PTPRT: variants seen among roughly 807,000 people sequenced by gnomAD.
PTPRT encodes protein tyrosine phosphatase receptor type T.
A neutral mutation model predicts 176.8 loss-of-function variants in PTPRT; 56 were observed. That is an observed-to-expected ratio of 0.32 (90% CI 0.26 to 0.40). The LOEUF (loss-of-function observed/expected upper bound fraction) is 0.40. Ranked by LOEUF, PTPRT falls within the 10% of genes least tolerant of loss-of-function variation. The pLI is 1.00. For synonymous variants in PTPRT, 783 were observed against 739.0 expected, an observed-to-expected ratio of 1.06 and a Z score of -0.96; for missense variants, 1,540 against 1,908.2, an observed-to-expected ratio of 0.81 and a Z score of 3.60.
chr20:42,960,032 A>G (rs575422537), intron 1 of PTPRT, among the ~76,000 whole-genome samples: 14 of 152,024 alleles, frequency 9.2e-5, no homozygotes, highest in Non-Finnish European at 2.1e-4. Flanking sequence ...CCCTCCCATC[A>G]TCTACTCACG....
intron 29 of PTPRT, among the ~76,000 whole-genome samples, chr20:42,083,050 G>T (rs1253978993): frequency 7.7e-6 from 1 of 129,774 alleles, no homozygotes; most frequent in Non-Finnish European, 1.6e-5. Context: ...GAATGCCCCT[G>T]TACCTTCCTT....
intron 15 of PTPRT, among the ~76,000 whole-genome samples, chr20:42,226,044 T>C (rs1327323258): frequency 6.6e-6 from 1 of 152,248 alleles, no homozygotes. Context: ...TTCCTCAAAA[T>C]AGAATCAGTG....
chr20:43,028,178 C>T (rs1055648419), intron 1 of PTPRT, among the ~76,000 whole-genome samples: 6 of 152,134 alleles, frequency 3.9e-5, no homozygotes, highest in Non-Finnish European at 8.8e-5. Flanking sequence ...AGAGGGCATG[C>T]CCTATTGTCT....
chr20:42,801,382 T>C (rs2077529039), intron 2 of PTPRT, among the ~76,000 whole-genome samples: 1 of 152,178 alleles, frequency 6.6e-6, no homozygotes, highest in Non-Finnish European at 1.5e-5. Flanking sequence ...TCTCTGCCAC[T>C]GCATCCCTAA....
At chr20:42,730,038 A>G (rs1403750263) in intron 6 of PTPRT, among the ~76,000 whole-genome samples, 1 of 152,202 alleles carries the variant, frequency 6.6e-6, no homozygotes, top group East Asian at 1.9e-4. Context: ...GATTTGCCCT[A>G]ATTTTACAAA....
intron 1 of PTPRT, among the ~76,000 whole-genome samples, chr20:43,016,675 G>A (rs1372736812): frequency 6.7e-6 from 1 of 150,218 alleles, no homozygotes; most frequent in Non-Finnish European, 1.5e-5. Context: ...GAGTAGCTGG[G>A]ACTATAGGTG....
rs1982433266 is a variant in PTPRT at position 42,072,949 on chromosome 20, T to C, written c.*7930A>G. On this transcript the variant is annotated 3_prime_UTR_variant, in exon 31 of 31. Transcript: ENST00000373187. ...CATTGACCTGACATTATTTACCTTC[T>C]GCTTTTCTGAGCTAGAATTGAAAAG... 4.5e-6 allele frequency: 1 copy of C among 222,634 alleles called. No homozygotes were observed. Among genetic ancestry groups the C allele is most frequent in the African/African-American group, 2.3e-5 (1 of 43,406 alleles). The allele number at this position is 222,634 out of a possible 1,614,324, so 13.8% of individuals were successfully genotyped here. A position where few individuals can be genotyped will look rare whatever the true frequency, so the allele number is the denominator to read the frequency against.
intron 6 of PTPRT, among the ~76,000 whole-genome samples, chr20:42,741,035 C>T (rs191124472): frequency 6.6e-6 from 1 of 152,210 alleles, no homozygotes; most frequent in East Asian, 1.9e-4. Flanking sequence ...TTAAGGGGAG[C>T]TGAGTTCCAA....
chr20:42,808,240 G>A (rs1220780251), intron 2 of PTPRT, among the ~76,000 whole-genome samples: 2 of 152,126 alleles, frequency 1.3e-5, no homozygotes, highest in Non-Finnish European at 2.9e-5. Context: ...TAGTCCAGGG[G>A]GCAATTTCCA....
At chr20:42,726,858 T>G (rs567859834) in intron 6 of PTPRT, among the ~76,000 whole-genome samples, 1 of 152,334 alleles carries the variant, frequency 6.6e-6, no homozygotes, top group African/African-American at 2.4e-5. Flanking sequence ...ATGGGATTTT[T>G]GTGTGTGAGC....
chr20:42,486,215 G>T (rs146933486), intron 7 of PTPRT, among the ~76,000 whole-genome samples: 5 of 152,274 alleles, frequency 3.3e-5, no homozygotes, highest in African/African-American at 1.2e-4. Context: ...CCTAGCACAG[G>T]CTTTTACATA....
intron 1 of PTPRT, among the ~76,000 whole-genome samples, chr20:43,011,049 C>T (rs1339618827): frequency 2.0e-5 from 3 of 152,176 alleles, no homozygotes; most frequent in Non-Finnish European, 4.4e-5. Context: ...GGGCCATCCT[C>T]CTGCTTATTC....
intron 16 of PTPRT, among the ~76,000 whole-genome samples, chr20:42,183,043 A>G (rs1369133361): frequency 6.6e-6 from 1 of 151,212 alleles, no homozygotes; most frequent in Non-Finnish European, 1.5e-5. Flanking sequence ...ATCCACTCCC[A>G]CTCTCCAAAA....
intron 6 of PTPRT, among the ~76,000 whole-genome samples, chr20:42,747,700 T>C (rs2076710556): frequency 6.6e-6 from 1 of 151,880 alleles, no homozygotes. Flanking sequence ...TCAGAACTAG[T>C]TTGGTGTGGT....
At chr20:42,121,380 T>G (rs894755376) in intron 19 of PTPRT, among the ~76,000 whole-genome samples, 1 of 152,182 alleles carries the variant, frequency 6.6e-6, no homozygotes, top group African/African-American at 2.4e-5. Flanking sequence ...GTCAGTTTCT[T>G]AAGGACAAAC....
chr20:43,154,867 C>T (rs184444745), intron 1 of PTPRT, among the ~76,000 whole-genome samples: 33 of 151,946 alleles, frequency 2.2e-4, no homozygotes, highest in African/African-American at 6.3e-4. Flanking sequence ...AGGAAATAAC[C>T]TGATTTTAAA....
intron 7 of PTPRT, among the ~76,000 whole-genome samples, chr20:42,557,751 T>C (rs78850852): frequency 0.042 from 6,372 of 152,232 alleles, 176 homozygotes; most frequent in Middle Eastern, 0.095. Context: ...GAGTTTCCTA[T>C]GTAGAGAAAA....
chr20:43,115,899 C>T lies in PTPRT; in HGVS notation c.88+73747G>A, dbSNP rs543541910. Reference sequence around the variant, plus strand: ...AAATCCCCTTGCACAGCACTGCGAACTCAGCAAACTGCAGCAATTATCACC... The same window carrying T: ...AAATCCCCTTGCACAGCACTGCGAATTCAGCAAACTGCAGCAATTATCACC... On this transcript the variant is annotated intron_variant, in intron 1 of 30. Coordinates refer to ENST00000373187, the MANE Select transcript of PTPRT (RefSeq NM_007050.6). Among the ~76,000 whole-genome samples, 3 of 152,352 alleles carry T rather than the reference C, an allele frequency of 2.0e-5. No individual in the cohort carries two copies. In the East Asian group the frequency reaches 5.8e-4, roughly 29 times the overall value.
intron 7 of PTPRT, among the ~76,000 whole-genome samples, chr20:42,504,111 G>A (rs1035581493): frequency 7.9e-5 from 12 of 151,836 alleles, no homozygotes; most frequent in African/African-American, 2.7e-4. Context: ...GGGGAATTGT[G>A]ATTTATTCAT....
Sources: allele counts gnomAD v4.1 joint callset (sites outside exome capture counted in the v4.1 genomes callset), GRCh38; gene constraint gnomAD v4.1.1; transcripts MANE v1.5; gene names NCBI Gene and HGNC (gene_info 2026-07-23, HGNC 2026-07-21).